The following ANKFN1 variants were observed in gnomAD, a reference collection of about 807,000 sequenced individuals.
ANKFN1 encodes the protein ankyrin repeat and fibronectin type III domain containing 1, also known as ankyrin repeat and fibronectin type-III domain-containing protein 1.
ANKFN1 carries 74 observed loss-of-function variants against 108.7 expected under a neutral mutation model. The observed-to-expected ratio is 0.68, with a 90% confidence interval of 0.56 to 0.83. The LOEUF (loss-of-function observed/expected upper bound fraction) is 0.83. Among genes scored for constraint, ANKFN1 ranks in the 40% least tolerant of loss-of-function variants. The pLI is 0.00. For synonymous variants in ANKFN1, 547 were observed against 516.2 expected, an observed-to-expected ratio of 1.06 and a Z score of -0.81; for missense variants, 1,505 against 1,382.3, an observed-to-expected ratio of 1.09 and a Z score of -1.41.
intron 2 of ANKFN1, among the ~76,000 whole-genome samples, chr17:56,215,218 C>T (rs1426244845): frequency 6.6e-6 from 1 of 152,184 alleles, no homozygotes; most frequent in Non-Finnish European, 1.5e-5. Flanking sequence ...AGCAGAGCAC[C>T]GTGCTTAAGT....
At chr17:56,286,737 T>G (rs1006160970) in intron 3 of ANKFN1, among the ~76,000 whole-genome samples, 2 of 152,156 alleles carry the variant, frequency 1.3e-5, no homozygotes, top group Non-Finnish European at 2.9e-5. Context: ...TGCAACCCAC[T>G]GCCAAGATTC....
At chr17:56,281,006 C>G (rs969208964) in intron 3 of ANKFN1, among the ~76,000 whole-genome samples, 1 of 151,688 alleles carries the variant, frequency 6.6e-6, no homozygotes, top group Non-Finnish European at 1.5e-5. Flanking sequence ...TGTCTGCCAC[C>G]GTGTGAGATG....
intron 3 of ANKFN1, among the ~76,000 whole-genome samples, chr17:56,283,265 G>A (rs1598350194): frequency 6.6e-6 from 1 of 152,130 alleles, no homozygotes; most frequent in Non-Finnish European, 1.5e-5. Context: ...TCATGTTGCT[G>A]CAAAGGACAT....
chr17:56,110,877 C>T (rs192109085), intron 4 of ANKFN1: 1 of 152,406 alleles, frequency 6.6e-6, no homozygotes, highest in African/African-American at 2.4e-5. Context: ...CCAAGTGCCT[C>T]ACCCCGGCAT....
chr17:56,098,417 AAC>A lies in ANKFN1; in HGVS notation c.288+52113_288+52114del, dbSNP rs139037719. 3.3e-3 allele frequency among the ~76,000 whole-genome samples: 477 copies of A among 146,462 alleles called. 1 individual carries two copies. Among genetic ancestry groups the A allele is most frequent in the Middle Eastern group, 0.024 (7 of 292 alleles). On this transcript the variant is annotated intron_variant, in intron 4 of 12. Transcript: ENST00000635860. The stretch of plus-strand genomic sequence containing the variant: ...AGCCCCTGCTACACACATACACACA[AAC>A]ACACACACACACACACACACGCGCG...
chr17:56,221,641 A>T (rs1399460245), intron 2 of ANKFN1, among the ~76,000 whole-genome samples: 1 of 152,240 alleles, frequency 6.6e-6, no homozygotes, highest in Non-Finnish European at 1.5e-5. Context: ...GGTTGGAAAC[A>T]TGGATGAACT....
chr17:56,077,511 A>G (rs1905194620), intron 4 of ANKFN1, among the ~76,000 whole-genome samples: 1 of 151,878 alleles, frequency 6.6e-6, no homozygotes, highest in South Asian at 2.1e-4. Context: ...CAGCCCTGAC[A>G]TGTACATACC....
At position 56,442,839 on chromosome 17, in the gene ANKFN1, G is replaced by T; in HGVS notation, c.1009-4G>T. Reference sequence around the variant, plus strand: ...GCCTGATGCATCATTTCAATACTTTGCAGGGCCAACAGTATTTTGTTCAAG... The same window carrying T: ...GCCTGATGCATCATTTCAATACTTTTCAGGGCCAACAGTATTTTGTTCAAG... On this transcript the variant is annotated splice_region_variant and splice_polypyrimidine_tract_variant and intron_variant, in intron 9 of 20. Coordinates refer to ENST00000682825, the MANE Select transcript of ANKFN1 (RefSeq NM_001370326.1). 1.2e-6 allele frequency: 2 copies of T among 1,613,336 alleles called. No individual in the cohort carries two copies. The highest frequency in any genetic ancestry group is 1.7e-6 in the Non-Finnish European group (2 of 1,179,426).
rs1039173415 is a variant in ANKFN1, at chr17:56,223,242, T to A, written c.13-4675T>A. 3.9e-5 allele frequency among the ~76,000 whole-genome samples: 6 copies of A among 152,350 alleles called. No individual in the cohort carries two copies. In the South Asian group the frequency reaches 6.2e-4, roughly 16 times the overall value. ...TAACCTCACATGCTGTTGATAGAATTACTTCTGGAAAACGGGGGTGTTGGG... is the reference window on the plus strand; with the variant it reads ...TAACCTCACATGCTGTTGATAGAATAACTTCTGGAAAACGGGGGTGTTGGG... On this transcript the variant is annotated intron_variant, in intron 2 of 20. Transcript: ENST00000682825.
At chr17:56,332,109 C>T (rs962570153) in intron 4 of ANKFN1, among the ~76,000 whole-genome samples, 2 of 152,078 alleles carry the variant, frequency 1.3e-5, no homozygotes, top group Admixed American at 1.3e-4. Context: ...TAGCCACAAG[C>T]AAAGCGAAGG....
intron 8 of ANKFN1, among the ~76,000 whole-genome samples, chr17:56,395,932 G>A (rs550218699): frequency 5.3e-5 from 8 of 152,218 alleles, no homozygotes; most frequent in African/African-American, 1.9e-4. Flanking sequence ...ACTCACTTTT[G>A]CATCCCTCAA....
chr17:56,068,299 A>G (rs963971013), intron 4 of ANKFN1, among the ~76,000 whole-genome samples: 2 of 152,110 alleles, frequency 1.3e-5, no homozygotes, highest in South Asian at 2.1e-4. Flanking sequence ...ACTATTTACA[A>G]AGGTGTGGGC....
chr17:56,315,255 T>C (rs1296907616), intron 3 of ANKFN1, among the ~76,000 whole-genome samples: 2 of 152,230 alleles, frequency 1.3e-5, no homozygotes, highest in African/African-American at 2.4e-5. Context: ...CTCTCTCTCT[T>C]TCTTTAAGAA....
At chr17:56,211,362 C>A (rs999954621) in intron 1 of ANKFN1, among the ~76,000 whole-genome samples, 1 of 152,028 alleles carries the variant, frequency 6.6e-6, no homozygotes, top group African/African-American at 2.4e-5. Flanking sequence ...AATAGGGTAT[C>A]CTTTCCCTAC....
chr17:56,466,446 G>T lies in ANKFN1; in HGVS notation c.1648G>T (p.Val550Leu). The T allele has an allele frequency of 6.2e-7, 1 of 1,614,152 alleles. No individual in the cohort carries two copies. The highest frequency in any genetic ancestry group is 8.5e-7 in the Non-Finnish European group (1 of 1,180,014). Residue 550 changes from valine (V) to leucine (L), a missense_variant, in exon 15 of 21, where the codon GTG becomes TTG. Coordinates refer to ENST00000682825, the MANE Select transcript of ANKFN1 (RefSeq NM_001370326.1). Reference sequence around the variant, plus strand: ...CATACTCATAGTCACCATCAGGGAGGTGGAGATGCTTTATTCATTTTTTAA... The same window carrying T: ...CATACTCATAGTCACCATCAGGGAGTTGGAGATGCTTTATTCATTTTTTAA... ...GNILIVTIRE[V>L]EMLYSFFNGK...
chr17:56,203,412 G>T (rs1021650239), intron 1 of ANKFN1, among the ~76,000 whole-genome samples: 4 of 152,038 alleles, frequency 2.6e-5, no homozygotes, highest in African/African-American at 9.7e-5. Context: ...GTGCTTTTCC[G>T]ACTGCCCTAG....
intron 8 of ANKFN1, among the ~76,000 whole-genome samples, chr17:56,412,331 C>A (rs2048115914): frequency 6.6e-6 from 1 of 152,166 alleles, no homozygotes; most frequent in Non-Finnish European, 1.5e-5. Context: ...TCTCCTCTTT[C>A]ATTTCTGATT....
chr17:56,457,917 T>A lies in ANKFN1; in HGVS notation c.1495T>A (p.Ser499Thr). ...GCTGAGGCAAAGCATACCAATATCCTCATCCTCATCCACAGTGCTGCAAAC... is the reference window on the plus strand; with the variant it reads ...GCTGAGGCAAAGCATACCAATATCCACATCCTCATCCACAGTGCTGCAAAC... The part of the protein sequence containing the change: ...RWLRQSIPIS[S>T]SSSTVLQTRQ... Residue 499 changes from serine (S) to threonine (T), a missense_variant, in exon 14 of 21, where the codon TCA (serine) becomes ACA (threonine). Physicochemically the swap from Ser to Thr is moderately conservative, Grantham distance 58 (BLOSUM62 1). Transcript: ENST00000682825. 1 of 1,614,046 alleles carries A rather than the reference T, an allele frequency of 6.2e-7. No homozygotes were observed.
intron 6 of ANKFN1, among the ~76,000 whole-genome samples, chr17:56,368,586 G>A (rs889971475): frequency 5.3e-5 from 8 of 151,730 alleles, no homozygotes; most frequent in Non-Finnish European, 8.8e-5. Context: ...GGCTGAAAAT[G>A]GACCTTTTTT....
Sources: gnomAD v4.1 joint callset for allele counts (sites outside exome capture counted in the v4.1 genomes callset) on GRCh38, gnomAD v4.1.1 for gene constraint, MANE v1.5 for transcripts, NCBI Gene and HGNC (gene_info 2026-07-23, HGNC 2026-07-21) for gene names.